NAV3: variants seen among roughly 807,000 people sequenced by gnomAD.
NAV3 encodes the protein neuron navigator 3.
Under a neutral mutation model 244.7 loss-of-function variants are expected in NAV3, and 87 were observed. The observed-to-expected ratio is 0.36, with a 90% CI of 0.30 to 0.42. NAV3 has a LOEUF of 0.42. Among genes scored for constraint, NAV3 ranks in the 20% least tolerant of loss-of-function variants. The pLI is 1.00. For synonymous variants in NAV3, 1,126 were observed against 1,042.2 expected (o/e 1.08, Z -1.55); for missense variants, 2,663 against 2,893.3 (o/e 0.92, Z 1.83).
intron 31 of NAV3, among the ~76,000 whole-genome samples, chr12:78,186,447 C>G (rs1378361266): frequency 1.3e-5 from 2 of 151,748 alleles, no homozygotes; most frequent in African/African-American, 4.8e-5. Context: ...AGCCAATGTT[C>G]CAAGGATTCC....
At chr12:77,660,122 AAAAG>A (rs1434142820) in intron 2 of NAV3, among the ~76,000 whole-genome samples, 2 of 152,204 alleles carry the variant, frequency 1.3e-5, no homozygotes, top group African/African-American at 2.4e-5. Flanking sequence ...TAATAAAAAA[AAAAG>A]AATATGAGAT....
intron 12 of NAV3, among the ~76,000 whole-genome samples, chr12:78,116,426 T>C (rs1955381456): frequency 1.3e-5 from 2 of 152,190 alleles, no homozygotes; most frequent in Non-Finnish European, 2.9e-5. Context: ...TGCTTTATGA[T>C]TCCTGGTTGA....
At chr12:78,002,609 C>T (rs1271726977) in intron 7 of NAV3, among the ~76,000 whole-genome samples, 15 of 152,008 alleles carry the variant, frequency 9.9e-5, no homozygotes, top group African/African-American at 2.9e-4. Context: ...TTTTTAATTA[C>T]TCTGAAATTA....
chr12:77,731,653 G>GA (rs1453141727), intron 2 of NAV3, among the ~76,000 whole-genome samples: 1 of 151,928 alleles, frequency 6.6e-6, no homozygotes, highest in Non-Finnish European at 1.5e-5. Flanking sequence ...ATCAACTTGA[G>GA]AAAAATTCAA....
rs2139857715 is a variant in NAV3 at position 78,188,792 on chromosome 12, G to C, written c.6055+15G>C. ...GAACCTCAAAGGTAAAAGCAATAAT[G>C]AAAAGCAAGGCAGAAATATAATTTT... On this transcript the variant is annotated intron_variant, in intron 33 of 39. Coordinates refer to ENST00000397909, the MANE Select transcript of NAV3 (RefSeq NM_001024383.2). The C allele has an allele frequency of 6.2e-7, 1 of 1,605,676 alleles. No homozygotes were observed. Among genetic ancestry groups the C allele is most frequent in the Non-Finnish European group, 8.5e-7 (1 of 1,175,332 alleles).
At chr12:77,751,849 AGTT>A (rs1868873891) in intron 2 of NAV3, among the ~76,000 whole-genome samples, 1 of 152,318 alleles carries the variant, frequency 6.6e-6, no homozygotes, top group African/African-American at 2.4e-5. Flanking sequence ...GCTTATACGC[AGTT>A]GTTCTGTGAC....
chr12:77,707,958 G>A (rs891888555), intron 2 of NAV3, among the ~76,000 whole-genome samples: 1 of 150,296 alleles, frequency 6.7e-6, no homozygotes, highest in Admixed American at 6.6e-5. Flanking sequence ...TTGGATATTA[G>A]CCCTTTGTCA....
intron 2 of NAV3, among the ~76,000 whole-genome samples, chr12:77,607,316 G>A (rs1201038561): frequency 6.6e-6 from 1 of 152,016 alleles, no homozygotes; most frequent in Admixed American, 6.6e-5. Context: ...ACCCTACCGG[G>A]CTATCCCCTT....
chr12:78,105,967 T>C (rs191962407), intron 12 of NAV3, among the ~76,000 whole-genome samples: 1 of 151,638 alleles, frequency 6.6e-6, no homozygotes, highest in Non-Finnish European at 1.5e-5. Context: ...TTTCTTCTGT[T>C]TCCTTTATAA....
chr12:77,614,291 C>T (rs756642894), intron 2 of NAV3, among the ~76,000 whole-genome samples: 2 of 151,656 alleles, frequency 1.3e-5, no homozygotes, highest in South Asian at 2.1e-4. Flanking sequence ...TGAAATTGTC[C>T]TTGGTTGATA....
chr12:77,997,589 C>T (rs1445727213), intron 6 of NAV3, among the ~76,000 whole-genome samples: 1 of 152,162 alleles, frequency 6.6e-6, no homozygotes, highest in Non-Finnish European at 1.5e-5. Flanking sequence ...TACATGTAAG[C>T]ATATTTTAAA....
chr12:77,589,385 A>G (rs755313954), intron 2 of NAV3, among the ~76,000 whole-genome samples: 4 of 152,052 alleles, frequency 2.6e-5, no homozygotes, highest in South Asian at 4.2e-4. Flanking sequence ...TGTGGTACCA[A>G]TTTACTGTAT....
chr12:78,175,397 C>T lies in NAV3; in HGVS notation c.5073C>T (p.Ala1691=), dbSNP rs760195000. The T allele has an allele frequency of 5.2e-5, 84 of 1,610,906 alleles. 1 individual carries two copies. The highest frequency in any genetic ancestry group is 5.6e-5 in the Non-Finnish European group (66 of 1,178,136). ...CCAGTATTGGCAGTGGTAATGATGC[C>T]GACTCCAAGAAGAAGAAAAAGAAAA... ...SHSSIGSGND[A]DSKKKKKKNW... is the part of the protein sequence containing the mutation. The change falls in exon 25 of 40, where the codon GCC becomes GCT. Residue 1691 remains alanine, a synonymous_variant. Coordinates refer to ENST00000397909, the MANE Select transcript of NAV3 (RefSeq NM_001024383.2).
intron 38 of NAV3, among the ~76,000 whole-genome samples, chr12:78,203,335 A>T (rs1186021404): frequency 6.6e-6 from 1 of 152,134 alleles, no homozygotes; most frequent in Non-Finnish European, 1.5e-5. Context: ...CTTTCCAAGA[A>T]TTATACATGT....
At position 77,732,347 on chromosome 12, in the gene NAV3, C is replaced by G. The variant is rs534959700; in HGVS notation, c.72+160081C>G. On this transcript the variant is annotated intron_variant, in intron 2 of 8. Coordinates refer to the NAV3 transcript ENST00000550042. The stretch of plus-strand genomic sequence containing the variant: ...TGAACGTAGAAGAATTTGATACACA[C>G]AGGGAAAATTCCTATACAGAGGGAG... Among the ~76,000 whole-genome samples the G allele has an allele frequency of 2.6e-5, 4 of 152,040 alleles. No individual in the cohort carries two copies. The South Asian group carries it at 8.3e-4, about 32-fold the overall frequency.
chr12:77,969,043 G>T (rs1439578794), intron 5 of NAV3, among the ~76,000 whole-genome samples: 1 of 152,054 alleles, frequency 6.6e-6, no homozygotes, highest in Non-Finnish European at 1.5e-5. Flanking sequence ...CTCCTGTCAT[G>T]TAGTTATCTT....
chr12:77,900,322 C>T (rs1028874640), intron 1 of NAV3, among the ~76,000 whole-genome samples: 4 of 152,030 alleles, frequency 2.6e-5, no homozygotes, highest in Admixed American at 1.3e-4. Flanking sequence ...ATGATCTGCC[C>T]GCCTTGGCCT....
chr12:77,954,073 G>T (rs1891142975), intron 3 of NAV3, among the ~76,000 whole-genome samples: 1 of 151,972 alleles, frequency 6.6e-6, no homozygotes, highest in South Asian at 2.1e-4. Context: ...TCTTTCTTTT[G>T]CTTGAGGCCA....
At chr12:77,935,224 A>G (rs1889210412) in intron 1 of NAV3, among the ~76,000 whole-genome samples, 1 of 151,994 alleles carries the variant, frequency 6.6e-6, no homozygotes, top group Admixed American at 6.6e-5. Context: ...GTCAGTAGTA[A>G]AAAAAAATCA....
Sources: allele counts gnomAD v4.1 joint callset (sites outside exome capture counted in the v4.1 genomes callset), GRCh38; gene constraint gnomAD v4.1.1; transcripts MANE v1.5; gene names NCBI Gene and HGNC (gene_info 2026-07-23, HGNC 2026-07-21).